The following MAST1 variants were observed in gnomAD, a reference collection of about 807,000 sequenced individuals.
The protein encoded by MAST1 is microtubule-associated serine/threonine-protein kinase 1.
A neutral mutation model predicts 124.6 loss-of-function variants in MAST1; 40 were observed. The ratio of observed to expected loss-of-function variants is 0.32; its 90% CI spans 0.25 to 0.42. The LOEUF is 0.42. Among genes scored for constraint, MAST1 ranks in the 10% least tolerant of loss-of-function variants. The pLI, the probability that MAST1 is intolerant of heterozygous loss-of-function variation, is 1.00. For missense variants in MAST1, 1,558 were observed against 2,181.9 expected (o/e 0.71, Z 5.70); for synonymous variants, 938 against 939.4 (o/e 1.00, Z 0.03).
intron 24 of MAST1, among the ~76,000 whole-genome samples, chr19:12,871,913 CAAAAAA>C (rs34674708): frequency 1.8e-4 from 11 of 61,050 alleles, no homozygotes; most frequent in African/African-American, 4.4e-4. Flanking sequence ...TAGACTCTTT[CAAAAAA>C]AAAAAAAAAA....
At chr19:12,845,040 G>T (rs1407903433) in intron 4 of MAST1, among the ~76,000 whole-genome samples, 1 of 152,138 alleles carries the variant, frequency 6.6e-6, no homozygotes, top group East Asian at 1.9e-4. Flanking sequence ...GGTGGCTCAT[G>T]CCTATAATCC....
rs1340348697 is a variant in MAST1 at position 12,865,980 on chromosome 19, G to A, written c.1907G>A (p.Gly636Asp). Reference protein sequence around the residue: ...QTNPLVRLGAGGAFEVKQHSF... With the variant: ...QTNPLVRLGADGAFEVKQHSF... ...GTGGCTGGAATCCCTTCCGTCCCAG[G>A]CGGCGCTTTTGAGGTGAAGCAGCAC... Residue 636 changes from glycine (G) to aspartate (D), a missense_variant and splice_region_variant, in exon 17 of 26, where the codon GGC becomes GAC. Transcript: ENST00000251472. This position sits in a 1 kb window ranked among gnomAD's most constrained non-coding sequence, Gnocchi z 7.1. The A allele has an allele frequency of 1.2e-6, 2 of 1,613,920 alleles. No homozygotes were observed. The highest frequency in any genetic ancestry group is 1.7e-6 in the Non-Finnish European group (2 of 1,180,018).
At chr19:12,861,266 G>A (rs988015168) in intron 12 of MAST1, among the ~76,000 whole-genome samples, 4 of 152,000 alleles carry the variant, frequency 2.6e-5, no homozygotes, top group African/African-American at 9.7e-5. Flanking sequence ...GTTTCACCAG[G>A]TTGGCCAGGC....
At chr19:12,858,779 G>T (rs1970046383) in intron 12 of MAST1, 40 bp downstream of exon 12, 2 of 1,608,566 alleles carry the variant, frequency 1.2e-6, no homozygotes, top group African/African-American at 2.7e-5. Context: ...ATGGGGCCGT[G>T]CTCACTGGTC....
At position 12,869,019 on chromosome 19, in the gene MAST1, G is replaced by A. The variant is rs377312292; in HGVS notation, c.2774-47G>A. On this transcript the variant is annotated intron_variant, in intron 21 of 25. Transcript: ENST00000251472. Reference sequence around the variant, plus strand: ...GAGGGAGGAGCAGATACAGGGAGATGTCTATCTTCTTGGTTCTGATTTCTG... The same window carrying A: ...GAGGGAGGAGCAGATACAGGGAGATATCTATCTTCTTGGTTCTGATTTCTG... 3.1e-5 allele frequency: 50 copies of A among 1,589,746 alleles called. 1 individual carries two copies. In the African/African-American group the frequency reaches 6.0e-4, roughly 19 times the overall value.
rs566704434 is a variant in MAST1, at chr19:12,870,405, C to T, written c.3004-419C>T. ...ACTCAGGAGGCTGAGACAGGATAATCGCGTGAACCCGGGAGGCGGAGCTTG... is the reference window on the plus strand; with the variant it reads ...ACTCAGGAGGCTGAGACAGGATAATTGCGTGAACCCGGGAGGCGGAGCTTG... On this transcript the variant is annotated intron_variant, in intron 22 of 25. Transcript: ENST00000251472. Among the ~76,000 whole-genome samples the T allele has an allele frequency of 8.7e-4, 131 of 150,326 alleles. 1 individual carries two copies. The highest frequency in any genetic ancestry group is 1.2e-3 in the Non-Finnish European group (84 of 67,748).
chr19:12,866,822 A>G lies in MAST1; in HGVS notation c.2139+60A>G. The G allele has an allele frequency of 7.4e-7, 1 of 1,354,582 alleles. No individual in the cohort carries two copies. Among genetic ancestry groups the G allele is most frequent in the Admixed American group, 1.9e-5 (1 of 52,214 alleles). 83.9% of individuals were successfully genotyped at this position (1,354,582 alleles called of 1,614,324 possible). ...CCCAGGAGGGATGGGGCTTGGAGAG[A>G]CAGTGAGAAACAGGTTCCCTGGTGC... On this transcript the variant is annotated intron_variant, in intron 18 of 25. Coordinates refer to ENST00000251472, the MANE Select transcript of MAST1 (RefSeq NM_014975.3). The surrounding 1 kb of genome is among the most constrained non-coding windows in gnomAD (Gnocchi z 5.2).
Position 12,874,111 on chromosome 19 carries a change from G to A in MAST1, c.3954G>A (p.Glu1318=). 6.5e-7 allele frequency: 1 copy of A among 1,550,008 alleles called. No individual in the cohort carries two copies. Among genetic ancestry groups the A allele is most frequent in the Non-Finnish European group, 8.7e-7 (1 of 1,149,878 alleles). Residue 1318 remains glutamate, a synonymous_variant, in exon 26 of 26, where the codon GAG becomes GAA. Transcript: ENST00000251472. The surrounding 1 kb of genome is among the most constrained non-coding windows in gnomAD (Gnocchi z 6.6). Reference sequence around the variant, plus strand: ...CCGACGGTGAGACGCCCCCAGTCGAGGGCCTTGGCGCGCCCCGGCAGGTCG... The same window carrying A: ...CCGACGGTGAGACGCCCCCAGTCGAAGGCCTTGGCGCGCCCCGGCAGGTCG... The part of the protein sequence containing the change: ...AESDGETPPV[E]GLGAPRQVAV...
intron 12 of MAST1, chr19:12,859,037 A>C (rs1440882550): frequency 1.5e-5 from 7 of 478,168 alleles, no homozygotes; most frequent in Non-Finnish European, 1.8e-5. Flanking sequence ...CCATCCATAC[A>C]TCCATGAACC....
Position 12,866,219 on chromosome 19 carries a change from T to C in MAST1, c.2029+117T>C. 2 of 1,037,470 alleles carry C rather than the reference T, an allele frequency of 1.9e-6. No homozygotes were observed. The highest frequency in any genetic ancestry group is 3.7e-5 in the Admixed American group (1 of 27,012). The allele number at this position is 1,037,470 out of a possible 1,614,324, so 64.3% of individuals were successfully genotyped here. ...TAAGTACCAAGATGTGATGCCTAGG[T>C]GCGAAGGTGGTATTTTGGTGGGGGC... On this transcript the variant is annotated intron_variant, in intron 17 of 25. Coordinates refer to ENST00000251472, the MANE Select transcript of MAST1 (RefSeq NM_014975.3). The surrounding 1 kb of genome is among the most constrained non-coding windows in gnomAD (Gnocchi z 5.2).
At chr19:12,867,433 G>A in intron 18 of MAST1, 41 bp from the exon 19 acceptor site, 1 of 1,609,458 alleles carries the variant, frequency 6.2e-7, no homozygotes, top group Non-Finnish European at 8.5e-7. Context: ...CGGAGTGAAA[G>A]TGGAACCCGG....
chr19:12,842,466 T>A (rs1374555304), intron 3 of MAST1, among the ~76,000 whole-genome samples: 2 of 152,128 alleles, frequency 1.3e-5, no homozygotes, highest in African/African-American at 2.4e-5. Context: ...CTAATTTTTG[T>A]ATTTTTAGTA....
At position 12,868,632 on chromosome 19, in the gene MAST1, T is replaced by C; in HGVS notation, c.2567-11T>C. On this transcript the variant is annotated splice_polypyrimidine_tract_variant and intron_variant, in intron 20 of 25. Coordinates refer to ENST00000251472, the MANE Select transcript of MAST1 (RefSeq NM_014975.3). ...TGGACTAATTCCTAACACACTTGCT[T>C]TCTGTTGCAGCTGACCGTCCACGCC... The C allele has an allele frequency of 6.4e-7, 1 of 1,568,764 alleles. No individual in the cohort carries two copies. The highest frequency in any genetic ancestry group is 8.7e-7 in the Non-Finnish European group (1 of 1,155,794).
chr19:12,873,506 A>G lies in MAST1; in HGVS notation c.3446A>G (p.Tyr1149Cys). Residue 1149 changes from tyrosine to cysteine, a missense_variant, in exon 25 of 26, where the codon TAC becomes TGC. Around this residue, in one of 10 missense-constraint regions of MAST1, gnomAD observed 291 missense variants for 475.8 expected, o/e 0.61. Transcript: ENST00000251472. ...HSYRSTPDSA[Y>C]LGASSQSSSP... ...TACCGCTCCACGCCTGACTCCGCCT[A>G]CCTAGGTATTACCTCCTGCACCTGC... 1 of 1,602,340 alleles carries G rather than the reference A, an allele frequency of 6.2e-7. No homozygotes were observed. The highest frequency in any genetic ancestry group is 8.5e-7 in the Non-Finnish European group (1 of 1,176,992).
intron 10 of MAST1, 108 bp downstream of exon 10, chr19:12,852,503 C>A: frequency 9.7e-7 from 1 of 1,027,576 alleles, no homozygotes; most frequent in Non-Finnish European, 1.5e-6. Context: ...TGGTCCTACA[C>A]TCTGAGCCTC....
intron 10 of MAST1, 111 bp downstream of exon 10, chr19:12,852,506 T>G: frequency 1.0e-6 from 1 of 1,003,106 alleles, no homozygotes. Context: ...TCCTACACTC[T>G]GAGCCTCAGT....
In MAST1 at chr19:12,866,895, G is replaced by A. The variant is rs2145908649; in HGVS notation, c.2139+133G>A. The A allele has an allele frequency of 1.4e-6, 1 of 736,588 alleles. No individual in the cohort carries two copies. The highest frequency in any genetic ancestry group is 2.2e-5 in the Admixed American group (1 of 44,466). 45.6% of individuals were successfully genotyped at this position (736,588 alleles called of 1,614,324 possible). On this transcript the variant is annotated intron_variant, in intron 18 of 25. Coordinates refer to ENST00000251472, the MANE Select transcript of MAST1 (RefSeq NM_014975.3). This position sits in a 1 kb window ranked among gnomAD's most constrained non-coding sequence, Gnocchi z 5.2. ...TTATTGATGGGGCGGGAGTCTGGAA[G>A]GTGGTAAGGCCACGCAAGAGGCAGG... is the stretch of plus-strand genomic sequence containing the variant.
intron 4 of MAST1, among the ~76,000 whole-genome samples, chr19:12,845,813 T>C (rs893652659): frequency 6.6e-6 from 1 of 151,972 alleles, no homozygotes; most frequent in African/African-American, 2.4e-5. Context: ...CCCACCACCA[T>C]GCCTGGCTAA....
At chr19:12,850,750 A>G (rs1161281731) in intron 7 of MAST1, among the ~76,000 whole-genome samples, 1 of 151,822 alleles carries the variant, frequency 6.6e-6, no homozygotes, top group African/African-American at 2.4e-5. Flanking sequence ...TTCATTTGAG[A>G]TGGAGGACTC....
Sources: gnomAD v4.1 joint callset for allele counts (sites outside exome capture counted in the v4.1 genomes callset) on GRCh38, gnomAD v4.1.1 for gene constraint, gnomAD v4.1.1 regional missense constraint, Gnocchi (gnomAD v3.1) non-coding constraint, MANE v1.5 for transcripts, NCBI Gene and HGNC (gene_info 2026-07-23, HGNC 2026-07-21) for gene names.